TUBD1: variants seen among roughly 807,000 people sequenced by gnomAD.
TUBD1 encodes tubulin delta 1, also known as tubulin delta chain.
Under a neutral mutation model 51.2 loss-of-function variants are expected in TUBD1, and 38 were observed. The observed-to-expected ratio is 0.74, with a 90% CI of 0.57 to 0.97. TUBD1 has a LOEUF of 0.97. TUBD1 is among the 50% of genes least tolerant of loss of function. The probability of loss-of-function intolerance (pLI) is 0.00; values close to 1 mark genes in which losing one functional copy is unlikely to be tolerated. For missense variants in TUBD1, 489 were observed against 538.4 expected, an observed-to-expected ratio of 0.91 and a Z score of 0.91; for synonymous variants, 169 against 178.2, an observed-to-expected ratio of 0.95 and a Z score of 0.41.
intron 1 of TUBD1, among the ~76,000 whole-genome samples, chr17:59,892,368 C>G (rs1393599761): frequency 6.6e-6 from 1 of 152,140 alleles, no homozygotes; most frequent in Admixed American, 6.5e-5. Flanking sequence ...ACAGCGAGAC[C>G]CTGTCTCCAT....
At chr17:59,877,411 T>C (rs1344572765) in intron 5 of TUBD1, among the ~76,000 whole-genome samples, 1 of 152,240 alleles carries the variant, frequency 6.6e-6, no homozygotes, top group Non-Finnish European at 1.5e-5. Context: ...AGGAAGGTTC[T>C]GAAAAGGGGA....
chr17:59,864,788 C>G (rs1462750388), intron 7 of TUBD1, among the ~76,000 whole-genome samples: 2 of 151,504 alleles, frequency 1.3e-5, no homozygotes, highest in Admixed American at 6.6e-5. Flanking sequence ...GCCACTGTGA[C>G]TGGTCCTATT....
rs750457639 is a variant in TUBD1, at chr17:59,860,012, A to ATTTTTTT, written c.*303_*309dup. ...TTTAACAGAATGGAACTTTGAAAAC[A>ATTTTTTT]TTTTTTTTTTTTTTTTTTTTTGAGA... is the stretch of plus-strand genomic sequence containing the variant. On this transcript the variant is annotated 3_prime_UTR_variant, in exon 9 of 9. Transcript: ENST00000325752. 1.6e-5 allele frequency: 2 copies of ATTTTTTT among 125,456 alleles called. No individual in the cohort carries two copies. The highest frequency in any genetic ancestry group is 3.2e-5 in the African/African-American group (1 of 31,364). 7.8% of individuals were successfully genotyped at this position (125,456 alleles called of 1,614,324 possible).
At position 59,873,008 on chromosome 17, in the gene TUBD1, C is replaced by T. The variant is rs372281485; in HGVS notation, c.934+1531G>A. Among the ~76,000 whole-genome samples the T allele has an allele frequency of 4.2e-4, 64 of 152,024 alleles. 1 individual carries two copies. Among genetic ancestry groups the T allele is most frequent in the African/African-American group, 1.5e-3 (64 of 41,486 alleles). On this transcript the variant is annotated intron_variant, in intron 6 of 8. Coordinates refer to ENST00000325752, the MANE Select transcript of TUBD1 (RefSeq NM_016261.4). Reference sequence around the variant, plus strand: ...GAACTCCTGACCTCAGGTGATCCACCCACCTCAACCTCCCAAAGTGCTGGG... The same window carrying T: ...GAACTCCTGACCTCAGGTGATCCACTCACCTCAACCTCCCAAAGTGCTGGG...
At chr17:59,868,958 A>G (rs2039848802) in intron 6 of TUBD1, among the ~76,000 whole-genome samples, 1 of 152,038 alleles carries the variant, frequency 6.6e-6, no homozygotes, top group South Asian at 2.1e-4. Flanking sequence ...TTGAGGCTGC[A>G]TTGAGCTATG....
intron 6 of TUBD1, among the ~76,000 whole-genome samples, chr17:59,871,978 G>C (rs556026290): frequency 6.6e-6 from 1 of 151,348 alleles, no homozygotes; most frequent in South Asian, 2.1e-4. Flanking sequence ...TTTTGAGACA[G>C]AGTCTCGCTC....
At position 59,878,276 on chromosome 17, in the gene TUBD1, T is replaced by C. The variant is rs759438737; in HGVS notation, c.596A>G (p.Asp199Gly). ...ATCATTCTCATGAAGAAGGAGGGCG[T>C]CTGAAGATCGGTACAAGTGAGAAAG... ...LTLSHLYRSS[D>G]ALLLHENDAI... The change falls in exon 5 of 9, where the codon GAC becomes GGC. Residue 199 changes from aspartate to glycine, a missense_variant. Asp to Gly is a moderately conservative substitution (Grantham distance 94). Coordinates refer to ENST00000325752, the MANE Select transcript of TUBD1 (RefSeq NM_016261.4). 1 of 1,614,070 alleles carries C rather than the reference T, an allele frequency of 6.2e-7. No homozygotes were observed. The highest frequency in any genetic ancestry group is 8.5e-7 in the Non-Finnish European group (1 of 1,180,034).
rs537182789 is a variant in TUBD1 at position 59,889,146 on chromosome 17, T to G, written c.172+1685A>C. Among the ~76,000 whole-genome samples the G allele has an allele frequency of 5.4e-3, 796 of 147,540 alleles. 5 individuals carry two copies. The highest frequency in any genetic ancestry group is 0.019 in the African/African-American group (754 of 40,126). On this transcript the variant is annotated intron_variant, in intron 2 of 8. Coordinates refer to ENST00000325752, the MANE Select transcript of TUBD1 (RefSeq NM_016261.4). ...CTCCTGCCTCACCCTCCCGAATAACTGGGATTACAGGTATGTGCCACCATG... is the reference window on the plus strand; with the variant it reads ...CTCCTGCCTCACCCTCCCGAATAACGGGGATTACAGGTATGTGCCACCATG...
chr17:59,891,330 C>T (rs1394095222), intron 1 of TUBD1, among the ~76,000 whole-genome samples: 1 of 148,724 alleles, frequency 6.7e-6, no homozygotes, highest in Non-Finnish European at 1.5e-5. Context: ...GGGGTTTCAC[C>T]ATGTTGGCCA....
At position 59,866,759 on chromosome 17, in the gene TUBD1, G is replaced by T. The variant is rs1301778928; in HGVS notation, c.935-10C>A. On this transcript the variant is annotated splice_polypyrimidine_tract_variant and intron_variant, in intron 6 of 8. Coordinates refer to ENST00000325752, the MANE Select transcript of TUBD1 (RefSeq NM_016261.4). ...ACATGCCTATCAATACCTACCAAAAGAAAAAAAAAGCAAGAGGTTTTATTT... is the reference window on the plus strand; with the variant it reads ...ACATGCCTATCAATACCTACCAAAATAAAAAAAAAGCAAGAGGTTTTATTT... The T allele has an allele frequency of 1.3e-6, 2 of 1,560,920 alleles. No individual in the cohort carries two copies. The highest frequency in any genetic ancestry group is 2.1e-5 in the Admixed American group (1 of 47,454).
intron 6 of TUBD1, among the ~76,000 whole-genome samples, chr17:59,872,648 ATGTG>A (rs1012523953): frequency 5.0e-4 from 62 of 123,872 alleles, no homozygotes; most frequent in African/African-American, 1.7e-3. Context: ...ATGTGTGAGT[ATGTG>A]TGTGAGTGTG....
At chr17:59,886,363 TC>T (rs1427890894) in intron 2 of TUBD1, 133 bp from the exon 3 acceptor site, 1 of 903,622 alleles carries the variant, frequency 1.1e-6, no homozygotes, top group Non-Finnish European at 1.6e-6. Flanking sequence ...GTTAGAAAGA[TC>T]TGTCGTACTG....
intron 2 of TUBD1, among the ~76,000 whole-genome samples, chr17:59,890,370 A>C (rs2040943051): frequency 1.3e-5 from 2 of 152,110 alleles, no homozygotes; most frequent in African/African-American, 4.8e-5. Flanking sequence ...CAGCCTCCCG[A>C]GTAGCTGGGA....
Position 59,868,283 on chromosome 17 carries a change from C to CAAAAAAAAAAAAAAAAAAAAAAAAAAAAA in TUBD1, c.935-1535_935-1534insTTTTTTTTTTTTTTTTTTTTTTTTTTTTT, listed in dbSNP as rs11401623. On this transcript the variant is annotated intron_variant, in intron 6 of 8. Transcript: ENST00000325752. ...TGGGCAACAGAGCAAGACTCCATGTCAAAAAAAAAAAAAAAAAAAAAGGCA... is the reference window on the plus strand; with the variant it reads ...TGGGCAACAGAGCAAGACTCCATGTCAAAAAAAAAAAAAAAAAAAAAAAAAAAAAAAAAAAAAAAAAAAAAAAAAAGGCA... Among the ~76,000 whole-genome samples the CAAAAAAAAAAAAAAAAAAAAAAAAAAAAA allele has an allele frequency of 4.1e-5, 2 of 49,142 alleles. 1 individual carries two copies. Among genetic ancestry groups the CAAAAAAAAAAAAAAAAAAAAAAAAAAAAA allele is most frequent in the African/African-American group, 1.5e-4 (2 of 13,566 alleles). 32.2% of individuals were successfully genotyped at this position (49,142 alleles called of 152,430 possible).
At chr17:59,878,859 G>C (rs1435198013) in intron 4 of TUBD1, 2 of 152,998 alleles carry the variant, frequency 1.3e-5, no homozygotes, top group Non-Finnish European at 2.9e-5. Flanking sequence ...ACAATGCCTT[G>C]TATGGGCACA....
At chr17:59,865,319 G>A (rs776930376) in intron 7 of TUBD1, among the ~76,000 whole-genome samples, 4 of 152,078 alleles carry the variant, frequency 2.6e-5, no homozygotes, top group Admixed American at 6.6e-5. Flanking sequence ...CACTATGGGA[G>A]GCCGAGGCAG....
At position 59,874,801 on chromosome 17, in the gene TUBD1, GT is replaced by G. The variant is rs2040153145; in HGVS notation, c.770-99del. 3.1e-6 allele frequency: 3 copies of G among 965,596 alleles called. No individual in the cohort carries two copies. The East Asian group carries it at 7.6e-5, about 25-fold the overall frequency. The allele number at this position is 965,596 out of a possible 1,614,324, so 59.8% of individuals were successfully genotyped here. Reference sequence around the variant, plus strand: ...GATTTGAAGGTTTTCTGGGCCAAATGTTTTTTCTCTTCTCAGACCAGAATTA... The same window carrying G: ...GATTTGAAGGTTTTCTGGGCCAAATGTTTTTCTCTTCTCAGACCAGAATTA... On this transcript the variant is annotated intron_variant, in intron 5 of 8. Coordinates refer to ENST00000325752, the MANE Select transcript of TUBD1 (RefSeq NM_016261.4).
chr17:59,866,110 CA>C (rs1191579900), intron 7 of TUBD1, among the ~76,000 whole-genome samples: 13,818 of 75,598 alleles, frequency 0.18, 297 homozygotes, highest in African/African-American at 0.23. Context: ...GACCCCGTCT[CA>C]AAAAAAAAAA....
At chr17:59,885,306 G>T in intron 3 of TUBD1, 1 of 617,016 alleles carries the variant, frequency 1.6e-6, no homozygotes. Flanking sequence ...GATTGAACTG[G>T]GGTGAACCGA....
Sources: allele counts gnomAD v4.1 joint callset (sites outside exome capture counted in the v4.1 genomes callset), GRCh38; gene constraint gnomAD v4.1.1; transcripts MANE v1.5; gene names NCBI Gene and HGNC (gene_info 2026-07-23, HGNC 2026-07-21).